The following SPIDR variants were observed in gnomAD, a reference collection of about 807,000 sequenced individuals.
SPIDR encodes scaffold protein involved in DNA repair.
SPIDR carries 93 observed loss-of-function variants against 104.6 expected under a neutral mutation model. The ratio of observed to expected loss-of-function variants is 0.89; its 90% confidence interval spans 0.75 to 1.06. SPIDR has a LOEUF of 1.06. SPIDR is among the 50% of genes least tolerant of loss of function. The pLI is 0.00. For synonymous variants in SPIDR, 431 were observed against 416.9 expected, an observed-to-expected ratio of 1.03 and a Z score of -0.41; for missense variants, 1,154 against 1,111.2, an observed-to-expected ratio of 1.04 and a Z score of -0.55.
At chr8:47,261,557 C>T (rs1440819764) in intron 1 of SPIDR, among the ~76,000 whole-genome samples, 1 of 152,178 alleles carries the variant, frequency 6.6e-6, no homozygotes, top group Non-Finnish European at 1.5e-5. Flanking sequence ...TTTTGTTCTG[C>T]TAATTGTGCT....
At chr8:47,708,975 CT>C (rs763678779) in intron 14 of SPIDR, among the ~76,000 whole-genome samples, 291 of 140,542 alleles carry the variant, frequency 2.1e-3, no homozygotes, top group East Asian at 2.9e-3. Flanking sequence ...AGTAAGAAGA[CT>C]TTTTTTTTTT....
At chr8:47,654,744 A>G (rs2072396312) in intron 10 of SPIDR, among the ~76,000 whole-genome samples, 1 of 152,094 alleles carries the variant, frequency 6.6e-6, no homozygotes, top group African/African-American at 2.4e-5. Context: ...TTTTATATAT[A>G]CTTTAAGTTT....
intron 10 of SPIDR, among the ~76,000 whole-genome samples, chr8:47,600,072 G>A (rs1297374631): frequency 6.6e-6 from 1 of 152,182 alleles, no homozygotes; most frequent in East Asian, 1.9e-4. Flanking sequence ...ATAGCCTTTT[G>A]AAGTTATCTC....
chr8:47,262,342 TTAG>T (rs1310085581), intron 1 of SPIDR, among the ~76,000 whole-genome samples: 1 of 152,204 alleles, frequency 6.6e-6, no homozygotes, highest in Admixed American at 6.5e-5. Flanking sequence ...TCAATTTTTT[TTAG>T]TAGTCGTACA....
At chr8:47,564,072 CTTTTTTTTTTTTTT>C (rs869220760) in intron 8 of SPIDR, among the ~76,000 whole-genome samples, 2 of 76,832 alleles carry the variant, frequency 2.6e-5, no homozygotes, top group East Asian at 7.9e-4. Flanking sequence ...TTTTTCTTTT[CTTTTTTTTTTTTTT>C]TTTTTTTTTT....
chr8:47,657,652 T>C (rs1419797653), intron 10 of SPIDR, among the ~76,000 whole-genome samples: 1 of 152,114 alleles, frequency 6.6e-6, no homozygotes, highest in Non-Finnish European at 1.5e-5. Flanking sequence ...TTGGGGTAAC[T>C]GGGTGAAGTG....
At chr8:47,596,118 C>G in intron 9 of SPIDR, 112 bp downstream of exon 9, 1 of 907,596 alleles carries the variant, frequency 1.1e-6, no homozygotes, top group Non-Finnish European at 1.7e-6. Flanking sequence ...TCCAAAAACC[C>G]CACCACAAGG....
intron 8 of SPIDR, among the ~76,000 whole-genome samples, chr8:47,510,257 A>C (rs942594738): frequency 1.3e-5 from 2 of 151,808 alleles, no homozygotes; most frequent in Non-Finnish European, 2.9e-5. Context: ...TGTCAACTCT[A>C]TGTGTAATTA....
chr8:47,267,594 T>C lies in SPIDR; in HGVS notation c.33+6603T>C, dbSNP rs558958462. Among the ~76,000 whole-genome samples the C allele has an allele frequency of 3.7e-4, 57 of 152,354 alleles. 1 individual carries two copies. The South Asian group carries it at 0.012, about 32-fold the overall frequency. On this transcript the variant is annotated intron_variant, in intron 1 of 19. Coordinates refer to ENST00000297423, the MANE Select transcript of SPIDR (RefSeq NM_001080394.4). ...ACCTCACTGTGATTTGGTTTGCAGT[T>C]CCCTAATGAGATTGAGCATCTTTTC...
chr8:47,735,160 T>G, intron 19 of SPIDR, 147 bp from the exon 20 acceptor site: 1 of 703,792 alleles, frequency 1.4e-6, no homozygotes, highest in Non-Finnish European at 2.5e-6. Context: ...TGTTTCTCCT[T>G]CCTACCACTG....
At chr8:47,550,710 G>T (rs1398779125) in intron 8 of SPIDR, among the ~76,000 whole-genome samples, 2 of 152,182 alleles carry the variant, frequency 1.3e-5, no homozygotes, top group Non-Finnish European at 1.5e-5. Flanking sequence ...CATGGCATCT[G>T]CAAACAGGAA....
chr8:47,561,204 G>A (rs1373512150), intron 8 of SPIDR, among the ~76,000 whole-genome samples: 4 of 152,210 alleles, frequency 2.6e-5, no homozygotes, highest in Admixed American at 6.5e-5. Context: ...TGAGACCCAG[G>A]CTGTACTGCC....
At chr8:47,662,866 T>A (rs1377328070) in intron 10 of SPIDR, among the ~76,000 whole-genome samples, 1 of 152,094 alleles carries the variant, frequency 6.6e-6, no homozygotes, top group African/African-American at 2.4e-5. Context: ...CTATAGGAGG[T>A]TGCTTTGAAA....
chr8:47,468,837 T>A (rs541114452), intron 8 of SPIDR, among the ~76,000 whole-genome samples: 1 of 152,144 alleles, frequency 6.6e-6, no homozygotes, highest in East Asian at 1.9e-4. Flanking sequence ...AATTGACATA[T>A]GGGATCTAAT....
chr8:47,420,914 C>G (rs1554679815), intron 7 of SPIDR, among the ~76,000 whole-genome samples: 1 of 152,194 alleles, frequency 6.6e-6, no homozygotes, highest in East Asian at 1.9e-4. Context: ...AAATTATTTT[C>G]TTTAAGAATG....
At chr8:47,460,076 A>G (rs2073691210) in intron 8 of SPIDR, among the ~76,000 whole-genome samples, 1 of 152,116 alleles carries the variant, frequency 6.6e-6, no homozygotes, top group African/African-American at 2.4e-5. Context: ...TCTTGGAGAA[A>G]GTTCCATACA....
intron 5 of SPIDR, among the ~76,000 whole-genome samples, chr8:47,325,914 A>C (rs1563626079): frequency 6.6e-6 from 1 of 152,202 alleles, no homozygotes. Context: ...GCACACCTAA[A>C]GGTGACAGGA....
intron 1 of SPIDR, among the ~76,000 whole-genome samples, chr8:47,270,957 C>G (rs1444660983): frequency 6.6e-6 from 1 of 152,068 alleles, no homozygotes; most frequent in African/African-American, 2.4e-5. Context: ...TTTATCGAAG[C>G]TTGAGTTATG....
chr8:47,327,338 G>C (rs1000530533), intron 5 of SPIDR, among the ~76,000 whole-genome samples: 1 of 149,538 alleles, frequency 6.7e-6, no homozygotes, highest in Non-Finnish European at 1.5e-5. Context: ...CTAGACCCTT[G>C]TCAAATATAT....
Sources: gnomAD v4.1 joint callset for allele counts (sites outside exome capture counted in the v4.1 genomes callset) on GRCh38, gnomAD v4.1.1 for gene constraint, MANE v1.5 for transcripts, NCBI Gene and HGNC (gene_info 2026-07-23, HGNC 2026-07-21) for gene names.